The following SOHLH2 variants were observed in gnomAD, a reference collection of about 807,000 sequenced individuals.
SOHLH2 encodes the protein spermatogenesis- and oogenesis-specific basic helix-loop-helix-containing protein 2.
A neutral mutation model predicts 50.4 loss-of-function variants in SOHLH2; 22 were observed. The ratio of observed to expected loss-of-function variants is 0.44; its 90% CI spans 0.31 to 0.62. SOHLH2 has a LOEUF of 0.62. Among genes scored for constraint, SOHLH2 ranks in the 20% least tolerant of loss-of-function variants. The pLI is 0.08. For synonymous variants in SOHLH2, 185 were observed against 187.3 expected (o/e 0.99, Z 0.10); for missense variants, 412 against 504.4 (o/e 0.82, Z 1.76).
intron 2 of SOHLH2, among the ~76,000 whole-genome samples, chr13:36,195,568 C>T (rs1355795699): frequency 2.0e-5 from 3 of 152,142 alleles, no homozygotes; most frequent in Non-Finnish European, 4.4e-5. Context: ...AACACAATTA[C>T]ATTTGCATTT....
chr13:36,174,952 G>T, intron 6 of SOHLH2, 83 bp from the exon 7 acceptor site: 1 of 1,497,554 alleles, frequency 6.7e-7, no homozygotes. Context: ...CTTCCTCCTG[G>T]GTATGTTTGT....
chr13:36,174,945 C>T, intron 6 of SOHLH2, 76 bp from the exon 7 acceptor site: 1 of 1,506,400 alleles, frequency 6.6e-7, no homozygotes, highest in Non-Finnish European at 8.8e-7. Flanking sequence ...AACAACACTT[C>T]CTCCTGGGTA....
intron 9 of SOHLH2, among the ~76,000 whole-genome samples, chr13:36,171,077 ACT>A (rs1481149895): frequency 1.3e-5 from 2 of 152,104 alleles, no homozygotes; most frequent in South Asian, 2.1e-4. Flanking sequence ...ATCAAAATTG[ACT>A]CTCTCTGAAG....
At chr13:36,189,091 C>T (rs1357026276) in intron 6 of SOHLH2, among the ~76,000 whole-genome samples, 1 of 152,172 alleles carries the variant, frequency 6.6e-6, no homozygotes, top group Non-Finnish European at 1.5e-5. Context: ...CTTAGCCATG[C>T]TCATGCTGAT....
intron 1 of SOHLH2, among the ~76,000 whole-genome samples, chr13:36,203,502 A>G (rs1006595512): frequency 6.6e-6 from 1 of 152,194 alleles, no homozygotes; most frequent in Non-Finnish European, 1.5e-5. Flanking sequence ...TTACGGTGCC[A>G]TGATGAATAC....
intron 1 of SOHLH2, among the ~76,000 whole-genome samples, chr13:36,211,227 TTAA>T: frequency 6.6e-6 from 1 of 152,330 alleles, no homozygotes; most frequent in Middle Eastern, 3.4e-3. Flanking sequence ...GGAGGTGCCA[TTAA>T]TAATTACACT....
intron 1 of SOHLH2, among the ~76,000 whole-genome samples, chr13:36,207,992 C>T (rs968146405): frequency 1.3e-5 from 2 of 152,116 alleles, no homozygotes; most frequent in Admixed American, 1.3e-4. Flanking sequence ...TTATCCTTTC[C>T]ACATTCTTGT....
chr13:36,181,105 A>T (rs574639887), intron 6 of SOHLH2, among the ~76,000 whole-genome samples: 2 of 152,342 alleles, frequency 1.3e-5, no homozygotes, highest in Non-Finnish European at 2.9e-5. Context: ...CGCTTGTATC[A>T]TTATAAATTG....
chr13:36,171,008 C>T (rs1274689884), intron 9 of SOHLH2, among the ~76,000 whole-genome samples: 1 of 152,112 alleles, frequency 6.6e-6, no homozygotes, highest in Non-Finnish European at 1.5e-5. Flanking sequence ...CATTAAAAGA[C>T]AGGTTTTATA....
At chr13:36,200,668 C>A (rs549293439) in intron 2 of SOHLH2, among the ~76,000 whole-genome samples, 50 of 152,276 alleles carry the variant, frequency 3.3e-4, no homozygotes, top group Non-Finnish European at 6.5e-4. Context: ...TCTGATCTAA[C>A]CCTATCTAAA....
intron 2 of SOHLH2, among the ~76,000 whole-genome samples, chr13:36,197,514 T>A (rs1455037895): frequency 6.6e-6 from 1 of 152,206 alleles, no homozygotes; most frequent in Non-Finnish European, 1.5e-5. Flanking sequence ...CCAAAGGGTG[T>A]TATAAGTCCC....
At chr13:36,213,367 C>A (rs974588464) in intron 1 of SOHLH2, among the ~76,000 whole-genome samples, 2 of 152,118 alleles carry the variant, frequency 1.3e-5, no homozygotes, top group South Asian at 4.1e-4. Context: ...TAAACGGGTC[C>A]ACTTCAAAGT....
At chr13:36,197,116 C>A (rs965534197) in intron 2 of SOHLH2, among the ~76,000 whole-genome samples, 1 of 152,186 alleles carries the variant, frequency 6.6e-6, no homozygotes, top group Admixed American at 6.5e-5. Flanking sequence ...CTTCTATATA[C>A]CAAAATCAAA....
chr13:36,202,936 G>A (rs1206706545), intron 1 of SOHLH2, among the ~76,000 whole-genome samples: 1 of 152,202 alleles, frequency 6.6e-6, no homozygotes, highest in Non-Finnish European at 1.5e-5. Context: ...GCTGGTGTAA[G>A]TGGCCCCGTG....
intron 6 of SOHLH2, among the ~76,000 whole-genome samples, chr13:36,183,594 A>G (rs1887319119): frequency 6.6e-6 from 1 of 152,160 alleles, no homozygotes; most frequent in African/African-American, 2.4e-5. Flanking sequence ...TGTGAACCTA[A>G]AACCGCACTT....
chr13:36,175,703 G>A (rs1339900699), intron 6 of SOHLH2, among the ~76,000 whole-genome samples: 1 of 152,116 alleles, frequency 6.6e-6, no homozygotes, highest in Non-Finnish European at 1.5e-5. Flanking sequence ...CACCAGAATG[G>A]CAGAGAAATT....
At chr13:36,190,558 T>G (rs1457777446) in intron 5 of SOHLH2, among the ~76,000 whole-genome samples, 1 of 152,166 alleles carries the variant, frequency 6.6e-6, no homozygotes, top group African/African-American at 2.4e-5. Context: ...TCTGATTGAT[T>G]TAAAAATACA....
intron 5 of SOHLH2, 71 bp from the exon 6 acceptor site, chr13:36,190,127 C>T: frequency 7.2e-7 from 1 of 1,380,314 alleles, no homozygotes. Flanking sequence ...TAATACGCAC[C>T]AATACACTAA....
intron 2 of SOHLH2, among the ~76,000 whole-genome samples, chr13:36,201,477 AT>A (rs35535088): frequency 1.9e-4 from 29 of 148,872 alleles, no homozygotes; most frequent in Middle Eastern, 3.5e-3. Context: ...AATATCCCTC[AT>A]TTTTTTTTTT....
Sources: allele counts gnomAD v4.1 joint callset (sites outside exome capture counted in the v4.1 genomes callset), GRCh38; gene constraint gnomAD v4.1.1; transcripts MANE v1.5; gene names NCBI Gene and HGNC (gene_info 2026-07-23, HGNC 2026-07-21).